The following KAZN variants were observed in gnomAD, a reference collection of about 807,000 sequenced individuals.
KAZN encodes the protein kazrin, periplakin interacting protein.
In KAZN, 40 loss-of-function variants were observed where a neutral mutation model predicts 87.4. The ratio of observed to expected loss-of-function variants is 0.46; its 90% confidence interval spans 0.36 to 0.60. KAZN has a LOEUF of 0.60. Ranked by LOEUF, KAZN falls within the 20% of genes least tolerant of loss-of-function variation. The pLI is 0.00. For synonymous variants in KAZN, 466 were observed against 458.3 expected (o/e 1.02, Z -0.22); for missense variants, 898 against 1,073.9 (o/e 0.84, Z 2.29).
chr1:14,275,513 A>G (rs954481430), intron 2 of KAZN, among the ~76,000 whole-genome samples: 1 of 146,088 alleles, frequency 6.8e-6, no homozygotes, highest in Non-Finnish European at 1.5e-5. Context: ...ATTAGTTTTA[A>G]CTGATTTTGA....
chr1:14,346,530 G>A (rs2789746), intron 2 of KAZN, among the ~76,000 whole-genome samples: 51,571 of 151,854 alleles, frequency 0.34, 9,345 homozygotes, highest in East Asian at 0.54. Context: ...GTTTGCAGTC[G>A]ATACTCAGTG....
chr1:14,537,969 T>C (rs1439710936), intron 2 of KAZN, among the ~76,000 whole-genome samples: 1 of 152,192 alleles, frequency 6.6e-6, no homozygotes, highest in Non-Finnish European at 1.5e-5. Context: ...AAGAGACATC[T>C]GGGAAATCCA....
intron 2 of KAZN, among the ~76,000 whole-genome samples, chr1:14,274,818 A>G (rs1054804608): frequency 1.3e-5 from 2 of 152,098 alleles, no homozygotes; most frequent in African/African-American, 4.8e-5. Context: ...GATGGTATCT[A>G]GAGGGAGCTC....
In KAZN at chr1:13,981,087, CTTTATA is replaced by C. The variant is rs1352794094; in HGVS notation, c.91+87333_91+87338del. Among the ~76,000 whole-genome samples, 3 of 8,304 alleles carry C rather than the reference CTTTATA, an allele frequency of 3.6e-4. 1 individual carries two copies. The South Asian group carries it at 0.011, about 31-fold the overall frequency. The allele number at this position is 8,304 out of a possible 152,430, so 5.4% of individuals were successfully genotyped here. A position where few individuals can be genotyped will look rare whatever the true frequency, so the allele number is the denominator to read the frequency against. Reference sequence around the variant, plus strand: ...TCTTGGAGAGGTATAAAAAATTACTCTTTATATATATATATATATATATGTATATAT... The same window carrying C: ...TCTTGGAGAGGTATAAAAAATTACTCTATATATATATATATATGTATATAT... On this transcript the variant is annotated intron_variant, in intron 1 of 16. Coordinates refer to the KAZN transcript ENST00000636203.
At chr1:14,831,085 C>T (rs1647036146) in intron 1 of KAZN, among the ~76,000 whole-genome samples, 1 of 152,230 alleles carries the variant, frequency 6.6e-6, no homozygotes, top group Non-Finnish European at 1.5e-5. Context: ...GTCTCGAACT[C>T]CTGACCTCAG....
intron 2 of KAZN, among the ~76,000 whole-genome samples, chr1:14,366,963 G>A (rs1660053183): frequency 6.6e-6 from 1 of 152,216 alleles, no homozygotes; most frequent in Non-Finnish European, 1.5e-5. Context: ...CGGGCACAGT[G>A]GCTCATGCCT....
intron 2 of KAZN, among the ~76,000 whole-genome samples, chr1:14,528,337 C>CAAAAAAA (rs33960231): frequency 2.4e-4 from 12 of 49,336 alleles, no homozygotes; most frequent in African/African-American, 3.5e-4. Flanking sequence ...GACTCCATCT[C>CAAAAAAA]AAAAAAAAAA....
intron 1 of KAZN, among the ~76,000 whole-genome samples, chr1:14,745,153 G>A (rs1238470407): frequency 6.6e-6 from 1 of 151,872 alleles, no homozygotes; most frequent in African/African-American, 2.4e-5. Flanking sequence ...TGCCCTGCAG[G>A]CCAGCACCCA....
intron 2 of KAZN, among the ~76,000 whole-genome samples, chr1:14,399,724 G>A (rs1557691415): frequency 2.0e-5 from 3 of 152,072 alleles, no homozygotes. Context: ...ATGCTGCTCT[G>A]CTCTGAGATC....
intron 1 of KAZN, among the ~76,000 whole-genome samples, chr1:13,922,651 G>T (rs975586553): frequency 6.6e-6 from 1 of 152,130 alleles, no homozygotes; most frequent in Non-Finnish European, 1.5e-5. Context: ...TTCTCTCCCA[G>T]ATTTACAGCT....
intron 2 of KAZN, among the ~76,000 whole-genome samples, chr1:14,419,652 T>A (rs565225710): frequency 1.3e-5 from 2 of 152,318 alleles, no homozygotes; most frequent in South Asian, 2.1e-4. Context: ...GATTTTCGGA[T>A]GTGTTCAGAG....
At chr1:14,048,926 G>A (rs1642190650) in intron 1 of KAZN, among the ~76,000 whole-genome samples, 1 of 152,100 alleles carries the variant, frequency 6.6e-6, no homozygotes, top group Non-Finnish European at 1.5e-5. Context: ...ATCCTCTCCA[G>A]CACCTGTTGT....
Position 15,114,493 on chromosome 1 carries a change from G to A in KAZN, c.2186G>A (p.Arg729Lys), listed in dbSNP as rs1421703707. ...AGRLPLGKIG[R>K]GFSSKDPDFH... ...CAGCTGCCCCTGGGGAAGATAGGAA[G>A]GGGCTTCAGCAGCAAAGATCCCGAT... The change falls in exon 15 of 15, where the codon AGG becomes AAG. Residue 729 changes from arginine to lysine, a missense_variant. By Grantham distance (26) the Arg-to-Lys change is conservative. Coordinates refer to ENST00000376030, the MANE Select transcript of KAZN (RefSeq NM_201628.3). 4 of 1,611,748 alleles carry A rather than the reference G, an allele frequency of 2.5e-6. No individual in the cohort carries two copies. The highest frequency in any genetic ancestry group is 2.2e-5 in the East Asian group (1 of 44,844).
intron 1 of KAZN, among the ~76,000 whole-genome samples, chr1:14,132,959 T>C (rs1464341672): frequency 2.6e-5 from 4 of 152,146 alleles, no homozygotes; most frequent in African/African-American, 9.7e-5. Context: ...AAAGATGGGA[T>C]TAGGTTCATC....
At chr1:14,450,719 C>T (rs930384769) in intron 2 of KAZN, among the ~76,000 whole-genome samples, 2 of 152,102 alleles carry the variant, frequency 1.3e-5, no homozygotes, top group East Asian at 1.9e-4. Context: ...TTACAAACCC[C>T]GGACATCAAG....
intron 1 of KAZN, among the ~76,000 whole-genome samples, chr1:14,003,353 T>G (rs183129947): frequency 2.1e-5 from 3 of 146,022 alleles, no homozygotes; most frequent in Non-Finnish European, 4.5e-5. Context: ...AAAAAGAAAA[T>G]TACAAGTTGA....
intron 13 of KAZN, among the ~76,000 whole-genome samples, chr1:15,110,520 T>C (rs1161478905): frequency 7.5e-6 from 1 of 133,406 alleles, no homozygotes; most frequent in Non-Finnish European, 1.6e-5. Flanking sequence ...TGTGTTTGTG[T>C]GTATGTGTTT....
intron 1 of KAZN, among the ~76,000 whole-genome samples, chr1:14,809,066 A>T (rs1646321041): frequency 6.6e-6 from 1 of 152,214 alleles, no homozygotes; most frequent in Non-Finnish European, 1.5e-5. Flanking sequence ...GAAATTCCTA[A>T]GCTAATTCAC....
chr1:14,642,456 A>G (rs1340201485), intron 1 of KAZN, among the ~76,000 whole-genome samples: 1 of 152,196 alleles, frequency 6.6e-6, no homozygotes, highest in African/African-American at 2.4e-5. Flanking sequence ...CATCAAGTTA[A>G]CACGGCATGT....
Sources: allele counts gnomAD v4.1 joint callset (sites outside exome capture counted in the v4.1 genomes callset), GRCh38; gene constraint gnomAD v4.1.1; transcripts MANE v1.5; gene names NCBI Gene and HGNC (gene_info 2026-07-23, HGNC 2026-07-21).